PIP4K2A: variants seen among roughly 807,000 people sequenced by gnomAD.
PIP4K2A encodes the protein phosphatidylinositol 5-phosphate 4-kinase type-2 alpha.
PIP4K2A carries 14 observed loss-of-function variants against 42.9 expected under a neutral mutation model. That is an observed-to-expected ratio of 0.33 (90% CI 0.22 to 0.51). The LOEUF (loss-of-function observed/expected upper bound fraction) is 0.51, where lower values mean the gene tolerates loss of function less well. Ranked by LOEUF, PIP4K2A falls within the 20% of genes least tolerant of loss-of-function variation. The pLI is 0.97. For synonymous variants in PIP4K2A, 192 were observed against 192.2 expected (o/e 1.00, Z 0.01); for missense variants, 434 against 519.8 (o/e 0.83, Z 1.61).
Position 22,591,184 on chromosome 10 carries a change from G to A in PIP4K2A, c.492+445C>T, listed in dbSNP as rs972391729. Among the ~76,000 whole-genome samples, 8 of 152,362 alleles carry A rather than the reference G, an allele frequency of 5.3e-5. No individual in the cohort carries two copies. The East Asian group carries it at 1.3e-3, about 26-fold the overall frequency. Reference sequence around the variant, plus strand: ...CTTCTAAAATCAGAGAGCTTGCTCCGTAGCAGATTGTGAATGGCGTGGGCC... The same window carrying A: ...CTTCTAAAATCAGAGAGCTTGCTCCATAGCAGATTGTGAATGGCGTGGGCC... On this transcript the variant is annotated intron_variant, in intron 4 of 9. Transcript: ENST00000376573.
chr10:22,557,177 C>A (rs1836576267), intron 6 of PIP4K2A, among the ~76,000 whole-genome samples: 1 of 151,780 alleles, frequency 6.6e-6, no homozygotes, highest in Non-Finnish European at 1.5e-5. Context: ...AGGACAGTTA[C>A]AAAGTTCAGA....
At chr10:22,628,255 T>C (rs1838486285) in intron 1 of PIP4K2A, among the ~76,000 whole-genome samples, 1 of 152,224 alleles carries the variant, frequency 6.6e-6, no homozygotes, top group Non-Finnish European at 1.5e-5. Context: ...CACAGACTAA[T>C]TCCACCAGCC....
chr10:22,639,125 A>T (rs1389244700), intron 1 of PIP4K2A, among the ~76,000 whole-genome samples: 2 of 152,216 alleles, frequency 1.3e-5, no homozygotes, highest in Non-Finnish European at 2.9e-5. Context: ...AAGAATCCTC[A>T]GTAAAGAGCA....
intron 1 of PIP4K2A, among the ~76,000 whole-genome samples, chr10:22,668,229 C>A (rs1361881688): frequency 6.6e-6 from 1 of 152,140 alleles, no homozygotes; most frequent in South Asian, 2.1e-4. Context: ...GGATTACAGG[C>A]GTGAGCCACC....
intron 3 of PIP4K2A, among the ~76,000 whole-genome samples, chr10:22,595,318 T>G (rs1837608629): frequency 6.6e-6 from 1 of 152,190 alleles, no homozygotes; most frequent in South Asian, 2.1e-4. Flanking sequence ...TTCTATGAAC[T>G]AACCAAAAAG....
intron 3 of PIP4K2A, among the ~76,000 whole-genome samples, chr10:22,607,560 A>T (rs888617817): frequency 6.6e-6 from 1 of 152,170 alleles, no homozygotes; most frequent in Non-Finnish European, 1.5e-5. Flanking sequence ...CTCTACGAAG[A>T]TACAAAACAT....
rs45627240 is a variant in PIP4K2A, at chr10:22,536,957, ACC to A, written c.*242_*243del. 1.2e-3 allele frequency: 391 copies of A among 324,432 alleles called. 2 individuals carry two copies. The highest frequency in any genetic ancestry group is 2.6e-3 in the East Asian group (37 of 14,384). 20.1% of individuals were successfully genotyped at this position (324,432 alleles called of 1,614,324 possible). A position where few individuals can be genotyped will look rare whatever the true frequency, so the allele number is the denominator to read the frequency against. ...AAAATGCACACGCGCGCACACACTCACCCCCCCCCAACACACACACACACACA... is the reference window on the plus strand; with the variant it reads ...AAAATGCACACGCGCGCACACACTCACCCCCCCAACACACACACACACACA... On this transcript the variant is annotated 3_prime_UTR_variant, in exon 10 of 10. Coordinates refer to ENST00000376573, the MANE Select transcript of PIP4K2A (RefSeq NM_005028.5).
chr10:22,628,125 T>A (rs1838483683), intron 1 of PIP4K2A, among the ~76,000 whole-genome samples: 1 of 147,626 alleles, frequency 6.8e-6, no homozygotes, highest in Non-Finnish European at 1.5e-5. Context: ...ACCCAAAAGC[T>A]ACAATGCCAA....
chr10:22,546,139 G>A (rs941565533), intron 7 of PIP4K2A, among the ~76,000 whole-genome samples: 2 of 152,142 alleles, frequency 1.3e-5, no homozygotes, highest in African/African-American at 2.4e-5. Flanking sequence ...TGACGAGTTC[G>A]CCTCCTGGAT....
chr10:22,702,319 AAATTT>A, intron 1 of PIP4K2A, among the ~76,000 whole-genome samples: 1 of 152,376 alleles, frequency 6.6e-6, no homozygotes, highest in African/African-American at 2.4e-5. Context: ...ATGCAATCTT[AAATTT>A]AACTTATGGT....
intron 1 of PIP4K2A, among the ~76,000 whole-genome samples, chr10:22,656,332 A>T (rs1231887840): frequency 6.6e-6 from 1 of 152,204 alleles, no homozygotes; most frequent in Non-Finnish European, 1.5e-5. Flanking sequence ...GCCTAAAAAA[A>T]ATAAGCACTT....
intron 4 of PIP4K2A, among the ~76,000 whole-genome samples, chr10:22,589,645 CATG>C (rs1837467102): frequency 6.6e-6 from 1 of 152,148 alleles, no homozygotes; most frequent in Non-Finnish European, 1.5e-5. Flanking sequence ...AGAAAGAATC[CATG>C]ATATTAGAGC....
intron 1 of PIP4K2A, among the ~76,000 whole-genome samples, chr10:22,679,165 T>C (rs1237961879): frequency 6.6e-6 from 1 of 152,140 alleles, no homozygotes; most frequent in East Asian, 1.9e-4. Context: ...GAGAAAATAT[T>C]TGCAAATCTG....
chr10:22,628,625 C>T (rs555368193), intron 1 of PIP4K2A, among the ~76,000 whole-genome samples: 12 of 152,290 alleles, frequency 7.9e-5, no homozygotes, highest in Admixed American at 3.3e-4. Flanking sequence ...ATCAGATACA[C>T]GTAAGATTCA....
chr10:22,706,433 G>C (rs1046908073), intron 1 of PIP4K2A, among the ~76,000 whole-genome samples: 18 of 152,148 alleles, frequency 1.2e-4, no homozygotes, highest in African/African-American at 4.1e-4. Context: ...TGCACCAGCT[G>C]ACCCCTCCGC....
At chr10:22,698,537 A>C (rs1377749339) in intron 1 of PIP4K2A, among the ~76,000 whole-genome samples, 1 of 152,260 alleles carries the variant, frequency 6.6e-6, no homozygotes, top group African/African-American at 2.4e-5. Context: ...TTGTGGTGGC[A>C]AAATACTGGG....
intron 1 of PIP4K2A, among the ~76,000 whole-genome samples, chr10:22,713,725 G>A (rs1217067088): frequency 6.6e-6 from 1 of 152,068 alleles, no homozygotes; most frequent in Non-Finnish European, 1.5e-5. Flanking sequence ...GCCCGGGACA[G>A]GTACACCTGC....
chr10:22,662,944 C>T (rs1839231806), intron 1 of PIP4K2A, among the ~76,000 whole-genome samples: 1 of 152,242 alleles, frequency 6.6e-6, no homozygotes, highest in South Asian at 2.1e-4. Context: ...CCACGCAGTT[C>T]TGCAACGTCT....
intron 1 of PIP4K2A, among the ~76,000 whole-genome samples, chr10:22,644,448 C>T (rs1299361782): frequency 3.9e-5 from 6 of 152,192 alleles, no homozygotes; most frequent in Admixed American, 3.9e-4. Flanking sequence ...AATTATTTCA[C>T]ATCCCTGCCC....
Sources: allele counts gnomAD v4.1 joint callset (sites outside exome capture counted in the v4.1 genomes callset), GRCh38; gene constraint gnomAD v4.1.1; transcripts MANE v1.5; gene names NCBI Gene and HGNC (gene_info 2026-07-23, HGNC 2026-07-21).